Variants in ZNF521 observed in about 807,000 individuals in gnomAD.
The protein encoded by ZNF521 is zinc finger protein 521.
A neutral mutation model predicts 105.5 loss-of-function variants in ZNF521; 14 were observed. The ratio of observed to expected loss-of-function variants is 0.13; its 90% CI spans 0.09 to 0.21. ZNF521 has a LOEUF of 0.21. Among genes scored for constraint, ZNF521 ranks in the 10% least tolerant of loss-of-function variants. The pLI is 1.00. For synonymous variants in ZNF521, 635 were observed against 606.0 expected (o/e 1.05, Z -0.70); for missense variants, 1,233 against 1,629.7 (o/e 0.76, Z 4.19).
At position 25,149,391 on chromosome 18, in the gene ZNF521, G is replaced by C. The variant is rs138030251; in HGVS notation, c.3658+45769C>G. Among the ~76,000 whole-genome samples the C allele has an allele frequency of 2.8e-3, 423 of 152,250 alleles. 2 individuals carry two copies. Among genetic ancestry groups the C allele is most frequent in the African/African-American group, 9.6e-3 (400 of 41,542 alleles). On this transcript the variant is annotated intron_variant, in intron 5 of 7. Coordinates refer to ENST00000361524, the MANE Select transcript of ZNF521 (RefSeq NM_015461.3). ...ACGTGTAAATTTGCTTTGATAACCA[G>C]AAGATGTGGGGCCAATATATAAGGT...
intron 4 of ZNF521, among the ~76,000 whole-genome samples, chr18:25,215,334 G>T (rs900353357): frequency 6.6e-6 from 1 of 152,124 alleles, no homozygotes; most frequent in Non-Finnish European, 1.5e-5. Flanking sequence ...TAAATTTCTA[G>T]AAATACAAAG....
intron 5 of ZNF521, among the ~76,000 whole-genome samples, chr18:25,162,859 G>C (rs2035274093): frequency 3.3e-5 from 5 of 152,082 alleles, no homozygotes; most frequent in Admixed American, 2.0e-4. Context: ...GGAGGCATTA[G>C]GTTAGATTTT....
At chr18:25,274,790 G>C (rs140723942) in intron 3 of ZNF521, among the ~76,000 whole-genome samples, 24 of 152,296 alleles carry the variant, frequency 1.6e-4, no homozygotes, top group Non-Finnish European at 2.9e-4. Context: ...TAGTGGATGG[G>C]AGAGTTGTCA....
At chr18:25,199,172 TA>T (rs1189538701) in intron 4 of ZNF521, among the ~76,000 whole-genome samples, 5 of 151,862 alleles carry the variant, frequency 3.3e-5, no homozygotes, top group Admixed American at 6.6e-5. Context: ...AATGCAAATC[TA>T]GAATATTCTT....
chr18:25,154,469 G>A (rs956183636), intron 5 of ZNF521, among the ~76,000 whole-genome samples: 6 of 152,182 alleles, frequency 3.9e-5, no homozygotes, highest in Non-Finnish European at 7.3e-5. Flanking sequence ...AGGTAGGGGT[G>A]AAGGAAAAGA....
chr18:25,350,326 C>CGCGGCCG (rs1231768414), intron 2 of ZNF521, among the ~76,000 whole-genome samples: 7 of 151,838 alleles, frequency 4.6e-5, no homozygotes, highest in Non-Finnish European at 1.0e-4. Context: ...GTCCGGTGCC[C>CGCGGCCG]GCGGCCGGCG....
chr18:25,341,293 T>C (rs1914187984), intron 2 of ZNF521, among the ~76,000 whole-genome samples: 1 of 152,230 alleles, frequency 6.6e-6, no homozygotes, highest in South Asian at 2.1e-4. Context: ...ATAAGTTCCT[T>C]GCAACTTCTT....
At position 25,227,387 on chromosome 18, in the gene ZNF521, A is replaced by T; in HGVS notation, c.531T>A (p.Ser177Arg). Residue 177 changes from serine to arginine, a missense_variant, in exon 4 of 8, where the codon AGT becomes AGA. Ser to Arg is a moderately radical substitution (Grantham distance 110). Around this residue, in one of 6 missense-constraint regions of ZNF521, gnomAD observed 85 missense variants for 162.2 expected, o/e 0.52. Transcript: ENST00000361524. The surrounding 1 kb of genome is among the most constrained non-coding windows in gnomAD (Gnocchi z 5.7). ...LHTGDKKYHC[S>R]ECDAAFSRSD... is the part of the protein sequence containing the mutation. Reference sequence around the variant, plus strand: ...TTCTGGAAAACGCAGCATCACATTCACTGCAGTGGTACTTCTTGTCCCCGG... The same window carrying T: ...TTCTGGAAAACGCAGCATCACATTCTCTGCAGTGGTACTTCTTGTCCCCGG... The T allele has an allele frequency of 6.2e-7, 1 of 1,614,036 alleles. No homozygotes were observed. Among genetic ancestry groups the T allele is most frequent in the Non-Finnish European group, 8.5e-7 (1 of 1,179,986 alleles).
intron 3 of ZNF521, among the ~76,000 whole-genome samples, chr18:25,236,822 A>G (rs1163303749): frequency 6.6e-6 from 1 of 152,182 alleles, no homozygotes; most frequent in Non-Finnish European, 1.5e-5. Flanking sequence ...AGCCAAAGCT[A>G]TTTTCTTAAA....
rs1006323879 is a variant in ZNF521, at chr18:25,340,354, C to T, written c.40+10553G>A. 1.2e-4 allele frequency among the ~76,000 whole-genome samples: 18 copies of T among 151,624 alleles called. No individual in the cohort carries two copies. The South Asian group carries it at 1.7e-3, about 14-fold the overall frequency. ...TGTGTGACAGAGTGAGATTCCATCTCGAAAAAATAATAATAATAAATAAAT... is the reference window on the plus strand; with the variant it reads ...TGTGTGACAGAGTGAGATTCCATCTTGAAAAAATAATAATAATAAATAAAT... On this transcript the variant is annotated intron_variant, in intron 2 of 7. Coordinates refer to ENST00000361524, the MANE Select transcript of ZNF521 (RefSeq NM_015461.3).
At chr18:25,260,153 C>T (rs749568666) in intron 3 of ZNF521, among the ~76,000 whole-genome samples, 5 of 152,064 alleles carry the variant, frequency 3.3e-5, no homozygotes, top group African/African-American at 4.8e-5. Flanking sequence ...ATGCCAAGGT[C>T]TTCTGATTCA....
At chr18:25,072,293 T>C (rs975924048) in intron 7 of ZNF521, among the ~76,000 whole-genome samples, 1 of 152,182 alleles carries the variant, frequency 6.6e-6, no homozygotes, top group African/African-American at 2.4e-5. Flanking sequence ...CAATTAAACA[T>C]TTTGGAGATA....
chr18:25,307,137 C>T (rs1912028219), intron 3 of ZNF521, among the ~76,000 whole-genome samples: 1 of 152,162 alleles, frequency 6.6e-6, no homozygotes, highest in Non-Finnish European at 1.5e-5. Context: ...ACCCTCTCTA[C>T]CCTATGACCA....
At chr18:25,177,193 G>T (rs1385224891) in intron 5 of ZNF521, among the ~76,000 whole-genome samples, 1 of 152,076 alleles carries the variant, frequency 6.6e-6, no homozygotes, top group Non-Finnish European at 1.5e-5. Flanking sequence ...TTTAAATGAA[G>T]AGATGTGAAC....
In ZNF521 at chr18:25,322,103, T is replaced by C; in HGVS notation, c.125A>G (p.Glu42Gly). 6.2e-7 allele frequency: 1 copy of C among 1,614,202 alleles called. No individual in the cohort carries two copies. The highest frequency in any genetic ancestry group is 8.5e-7 in the Non-Finnish European group (1 of 1,180,028). Residue 42 changes from glutamate to glycine, a missense_variant, in exon 3 of 8, where the codon GAA (glutamate) becomes GGA (glycine). By Grantham distance (98) the Glu-to-Gly change is moderately conservative. Around this residue, in one of 6 missense-constraint regions of ZNF521, gnomAD observed 76 missense variants for 79.3 expected, o/e 0.96. Coordinates refer to ENST00000361524, the MANE Select transcript of ZNF521 (RefSeq NM_015461.3). ...GTCACAGCTGTGCACAGCTTCGTCTTCCAACTCCTCCCCGTCTTCCGGCCT... is the reference window on the plus strand; with the variant it reads ...GTCACAGCTGTGCACAGCTTCGTCTCCCAACTCCTCCCCGTCTTCCGGCCT... ...KKRPEDGEEL[E>G]DEAVHSCDSC...
In ZNF521 at chr18:25,227,519, T is replaced by C; in HGVS notation, c.399A>G (p.Leu133=). The change falls in exon 4 of 8, where the codon CTA becomes CTG. Residue 133 remains leucine, a synonymous_variant. Transcript: ENST00000361524. The surrounding 1 kb of genome is among the most constrained non-coding windows in gnomAD (Gnocchi z 5.7). ...CDKSFSRLSY[L]KHHEQSHSDK... is the part of the protein sequence containing the mutation. ...CACTGTGACTCTGCTCATGGTGCTT[T>C]AGGTAGCTGAGGCGGCTAAACGACT... 1.2e-6 allele frequency: 2 copies of C among 1,614,114 alleles called. No homozygotes were observed. The highest frequency in any genetic ancestry group is 1.7e-6 in the Non-Finnish European group (2 of 1,180,006).
chr18:25,261,395 AT>A (rs1466820023), intron 3 of ZNF521, among the ~76,000 whole-genome samples: 1 of 152,108 alleles, frequency 6.6e-6, no homozygotes, highest in Admixed American at 6.6e-5. Flanking sequence ...TTACAATTTT[AT>A]GCTATTTGCC....
chr18:25,189,809 GATA>G (rs2144618761), intron 5 of ZNF521, among the ~76,000 whole-genome samples: 1 of 152,332 alleles, frequency 6.6e-6, no homozygotes, highest in East Asian at 1.9e-4. Context: ...TATAAACAAA[GATA>G]AAGTCATTTG....
At chr18:25,280,862 T>C (rs1291013359) in intron 3 of ZNF521, among the ~76,000 whole-genome samples, 5 of 152,152 alleles carry the variant, frequency 3.3e-5, no homozygotes, top group Non-Finnish European at 7.3e-5. Context: ...GGATAATATA[T>C]ATTAATATAA....
Sources: gnomAD v4.1 joint callset for allele counts (sites outside exome capture counted in the v4.1 genomes callset) on GRCh38, gnomAD v4.1.1 for gene constraint, gnomAD v4.1.1 regional missense constraint, Gnocchi (gnomAD v3.1) non-coding constraint, MANE v1.5 for transcripts, NCBI Gene and HGNC (gene_info 2026-07-23, HGNC 2026-07-21) for gene names.